NAALADL2: variants seen among roughly 807,000 people sequenced by gnomAD.
NAALADL2 encodes N-acetylated alpha-linked acidic dipeptidase like 2.
A neutral mutation model predicts 87.2 loss-of-function variants in NAALADL2; 76 were observed. That is an observed-to-expected ratio of 0.87 (90% CI 0.72 to 1.05). The LOEUF (loss-of-function observed/expected upper bound fraction) is 1.05. Among genes scored for constraint, NAALADL2 ranks in the 50% least tolerant of loss-of-function variants. The probability of loss-of-function intolerance (pLI) is 0.00; values close to 1 mark genes in which losing one functional copy is unlikely to be tolerated. For missense variants in NAALADL2, 1,089 were observed against 945.8 expected (o/e 1.15, Z -1.99); for synonymous variants, 354 against 331.0 (o/e 1.07, Z -0.75).
At chr3:175,755,543 T>A in intron 13 of NAALADL2, 125 bp downstream of exon 13, 4 of 589,066 alleles carry the variant, frequency 6.8e-6, no homozygotes, top group Non-Finnish European at 1.0e-5. Flanking sequence ...CAGTTACTCA[T>A]TTGAGGAACT....
chr3:175,205,192 T>A (rs1481649799), intron 2 of NAALADL2, among the ~76,000 whole-genome samples: 1 of 152,166 alleles, frequency 6.6e-6, no homozygotes, highest in Non-Finnish European at 1.5e-5. Context: ...TCACACTACC[T>A]GATTTCAAAC....
At chr3:174,571,997 C>A (rs1158938153) in intron 2 of NAALADL2, among the ~76,000 whole-genome samples, 1 of 152,158 alleles carries the variant, frequency 6.6e-6, no homozygotes, top group Non-Finnish European at 1.5e-5. Flanking sequence ...CTACCCTGTT[C>A]TTTTTATGAT....
intron 4 of NAALADL2, among the ~76,000 whole-genome samples, chr3:175,320,231 C>T (rs1553859329): frequency 6.7e-6 from 1 of 150,310 alleles, no homozygotes; most frequent in Non-Finnish European, 1.5e-5. Flanking sequence ...AAGCTTTTTA[C>T]AAAAAAAAAT....
At chr3:175,127,111 C>T (rs938861516) in intron 2 of NAALADL2, among the ~76,000 whole-genome samples, 1 of 152,016 alleles carries the variant, frequency 6.6e-6, no homozygotes, top group African/African-American at 2.4e-5. Flanking sequence ...GTCTGTTTGC[C>T]ACTGCTCTGG....
rs200264674 is a variant in NAALADL2 at position 175,784,954 on chromosome 3, G to A, written c.2190-18051G>A. Among the ~76,000 whole-genome samples, 25 of 143,960 alleles carry A rather than the reference G, an allele frequency of 1.7e-4. 1 individual carries two copies. Among genetic ancestry groups the A allele is most frequent in the South Asian group, 4.4e-4 (2 of 4,538 alleles). The allele number at this position is 143,960 out of a possible 152,430, so 94.4% of individuals were successfully genotyped here. ...ACATCTTTATTTCTGCCTTCATTGC[G>A]TTATGTACCCAGTAGTCATTCAGGA... On this transcript the variant is annotated intron_variant, in intron 13 of 13. Transcript: ENST00000454872.
chr3:174,577,001 G>C (rs562348795), intron 2 of NAALADL2, among the ~76,000 whole-genome samples: 61 of 152,080 alleles, frequency 4.0e-4, no homozygotes, highest in African/African-American at 1.4e-3. Context: ...TTCAATGCCT[G>C]TTATAAAGAA....
intron 1 of NAALADL2, among the ~76,000 whole-genome samples, chr3:174,460,309 G>A (rs368554771): frequency 1.3e-5 from 2 of 152,038 alleles, no homozygotes; most frequent in Admixed American, 6.5e-5. Flanking sequence ...GAAGCATTTA[G>A]CATTTATTCC....
intron 11 of NAALADL2, among the ~76,000 whole-genome samples, chr3:175,638,628 A>G (rs1728866475): frequency 6.6e-6 from 1 of 152,236 alleles, no homozygotes; most frequent in Non-Finnish European, 1.5e-5. Flanking sequence ...TTCTTCCGGT[A>G]CTAGTTATTA....
rs575635309 is a variant in NAALADL2 at position 174,549,824 on chromosome 3, C to G, written c.-183-745C>G. 2.0e-5 allele frequency among the ~76,000 whole-genome samples: 3 copies of G among 152,244 alleles called. No individual in the cohort carries two copies. The South Asian group carries it at 6.2e-4, about 32-fold the overall frequency. On this transcript the variant is annotated intron_variant, in intron 1 of 3. Coordinates refer to the NAALADL2 transcript ENST00000434257. Reference sequence around the variant, plus strand: ...GCCAATCTCTCAGGAACCCCTCTTACTGCAAAACCCAGCCTCTACTCAAAC... The same window carrying G: ...GCCAATCTCTCAGGAACCCCTCTTAGTGCAAAACCCAGCCTCTACTCAAAC...
At chr3:175,603,759 AC>A (rs1185272048) in intron 10 of NAALADL2, among the ~76,000 whole-genome samples, 3 of 152,072 alleles carry the variant, frequency 2.0e-5, no homozygotes, top group Admixed American at 6.6e-5. Flanking sequence ...ACTGAGAATA[AC>A]GCTGCTGTGA....
intron 1 of NAALADL2, among the ~76,000 whole-genome samples, chr3:175,045,241 ACT>A (rs1418259882): frequency 6.6e-6 from 1 of 151,822 alleles, no homozygotes; most frequent in Non-Finnish European, 1.5e-5. Flanking sequence ...ACTGCATCAC[ACT>A]CTCCGTGGAC....
intron 1 of NAALADL2, among the ~76,000 whole-genome samples, chr3:175,046,331 A>G (rs1375751750): frequency 1.3e-5 from 2 of 152,148 alleles, no homozygotes; most frequent in African/African-American, 4.8e-5. Context: ...TTGGGCAGCT[A>G]TTTTGACTAT....
At chr3:175,036,566 A>AT (rs1259526474) in intron 1 of NAALADL2, among the ~76,000 whole-genome samples, 4 of 151,480 alleles carry the variant, frequency 2.6e-5, no homozygotes, top group Non-Finnish European at 4.4e-5. Flanking sequence ...CACCCAGCTA[A>AT]TTTTTTGTAT....
chr3:175,443,214 T>G (rs1394673674), intron 5 of NAALADL2, among the ~76,000 whole-genome samples: 1 of 152,180 alleles, frequency 6.6e-6, no homozygotes, highest in Non-Finnish European at 1.5e-5. Flanking sequence ...AGGCACTTAC[T>G]TTAGATATTT....
intron 11 of NAALADL2, among the ~76,000 whole-genome samples, chr3:175,672,550 T>C (rs566126222): frequency 1.3e-5 from 2 of 152,206 alleles, no homozygotes; most frequent in African/African-American, 2.4e-5. Context: ...GGAAAGTAAA[T>C]TGCATAACTC....
chr3:175,498,286 G>A (rs1341437713), intron 9 of NAALADL2, among the ~76,000 whole-genome samples: 2 of 152,034 alleles, frequency 1.3e-5, no homozygotes, highest in Admixed American at 1.3e-4. Flanking sequence ...TAATTAAAAG[G>A]AATAATATCA....
chr3:174,787,256 A>C (rs2109178914), intron 3 of NAALADL2, among the ~76,000 whole-genome samples: 1 of 151,912 alleles, frequency 6.6e-6, no homozygotes, highest in South Asian at 2.1e-4. Context: ...TCACAAGTTA[A>C]GGAAAACACT....
rs979802041 is a variant in NAALADL2 at position 174,623,393 on chromosome 3, G to A, written c.-115+72756G>A. Among the ~76,000 whole-genome samples the A allele has an allele frequency of 3.9e-5, 6 of 152,070 alleles. No homozygotes were observed. The East Asian group carries it at 1.2e-3, about 29-fold the overall frequency. ...GCCAATGGCACCATATACAGTAAGG[G>A]TTTGTGTGTGTAGGTTAGGAAATTT... On this transcript the variant is annotated intron_variant, in intron 2 of 3. Transcript: ENST00000434257.
At chr3:175,022,605 C>T (rs1271730615) in intron 1 of NAALADL2, among the ~76,000 whole-genome samples, 1 of 151,998 alleles carries the variant, frequency 6.6e-6, no homozygotes, top group Non-Finnish European at 1.5e-5. Flanking sequence ...AGTTGAAGCT[C>T]AGTTAATAAG....
Sources: gnomAD v4.1 joint callset for allele counts (sites outside exome capture counted in the v4.1 genomes callset) on GRCh38, gnomAD v4.1.1 for gene constraint, MANE v1.5 for transcripts, NCBI Gene and HGNC (gene_info 2026-07-23, HGNC 2026-07-21) for gene names.